Variants in JPH2 observed in about 807,000 individuals in gnomAD.
JPH2 encodes the protein junctophilin 2, also known as junctophilin-2.
In JPH2, 38 loss-of-function variants were observed where a neutral mutation model predicts 55.9. The observed-to-expected ratio is 0.68, with a 90% CI of 0.52 to 0.89. The LOEUF (loss-of-function observed/expected upper bound fraction) is 0.89, where lower values mean the gene tolerates loss of function less well. Among genes scored for constraint, JPH2 ranks in the 40% least tolerant of loss-of-function variants. The pLI, the probability that JPH2 is intolerant of heterozygous loss-of-function variation, is 0.00. For synonymous variants in JPH2, 480 were observed against 472.4 expected, an observed-to-expected ratio of 1.02 and a Z score of -0.21; for missense variants, 964 against 1,037.6, an observed-to-expected ratio of 0.93 and a Z score of 0.97.
intron 1 of JPH2, among the ~76,000 whole-genome samples, chr20:44,172,655 C>T (rs2145890248): frequency 6.6e-6 from 1 of 152,170 alleles, no homozygotes; most frequent in South Asian, 2.1e-4. Context: ...ATCATGCTGG[C>T]TAATTTTATT....
intron 2 of JPH2, among the ~76,000 whole-genome samples, chr20:44,141,203 A>C (rs1454196962): frequency 6.6e-6 from 1 of 152,202 alleles, no homozygotes; most frequent in Non-Finnish European, 1.5e-5. Context: ...TAATTTGTTC[A>C]GGGAAGCAAC....
intron 3 of JPH2, among the ~76,000 whole-genome samples, chr20:44,117,053 C>T (rs780086758): frequency 1.4e-4 from 21 of 152,054 alleles, no homozygotes; most frequent in Non-Finnish European, 2.6e-4. Context: ...GGCCGAGGCG[C>T]GCGGATCACA....
chr20:44,129,414 G>A (rs761230913), intron 2 of JPH2, among the ~76,000 whole-genome samples: 1 of 152,014 alleles, frequency 6.6e-6, no homozygotes, highest in Non-Finnish European at 1.5e-5. Flanking sequence ...AATTTGCTGG[G>A]CGCAGTGGTG....
intron 2 of JPH2, among the ~76,000 whole-genome samples, chr20:44,134,139 A>AATATATATTATAAATATAT (rs1184374223): frequency 2.9e-4 from 3 of 10,460 alleles, no homozygotes; most frequent in African/African-American, 1.5e-3. Context: ...TAAATATATA[A>AATATATATTATAAATATAT]ATAAATATTT....
rs875496 is a variant in JPH2 at position 44,116,710 on chromosome 20, T to A, written c.1289-324A>T. 0.51 allele frequency among the ~76,000 whole-genome samples: 77,631 copies of A among 152,018 alleles called. 19,874 individuals carry two copies. The highest frequency in any genetic ancestry group is 0.55 in the African/African-American group (22,815 of 41,474). Reference sequence around the variant, plus strand: ...GGCTCCAGAGGCGATGCCCTTTACTTTGGCACGCGTCTCTTTCCATTCCCT... The same window carrying A: ...GGCTCCAGAGGCGATGCCCTTTACTATGGCACGCGTCTCTTTCCATTCCCT... On this transcript the variant is annotated intron_variant, in intron 3 of 5. Coordinates refer to ENST00000372980, the MANE Select transcript of JPH2 (RefSeq NM_020433.5).
chr20:44,148,887 C>A (rs2072510937), intron 2 of JPH2, among the ~76,000 whole-genome samples: 1 of 151,982 alleles, frequency 6.6e-6, no homozygotes, highest in Non-Finnish European at 1.5e-5. Context: ...CATGGTGAAA[C>A]CCCGTCTCTA....
chr20:44,114,748 C>T (rs779070292), intron 5 of JPH2, 34 bp downstream of exon 5: 3 of 1,503,250 alleles, frequency 2.0e-6, no homozygotes, highest in Non-Finnish European at 1.8e-6. Flanking sequence ...GGGGCTCCTG[C>T]CCCCCAACCC....
In JPH2 at chr20:44,159,112, C is replaced by G. The variant is rs2072585501; in HGVS notation, c.1169+506G>C. On this transcript the variant is annotated intron_variant, in intron 2 of 5. Transcript: ENST00000372980. The surrounding 1 kb of genome is among the most constrained non-coding windows in gnomAD (Gnocchi z 5.7). ...ATCTTTGAGTGAATGGGTGGTTGTT[C>G]AGGTAGATGTTAGGCTGTTGTTCAG... Among the ~76,000 whole-genome samples, 1 of 151,828 alleles carries G rather than the reference C, an allele frequency of 6.6e-6. No individual in the cohort carries two copies. Among genetic ancestry groups the G allele is most frequent in the African/African-American group, 2.4e-5 (1 of 41,294 alleles).
At chr20:44,144,001 G>A (rs2145865818) in intron 2 of JPH2, among the ~76,000 whole-genome samples, 1 of 152,292 alleles carries the variant, frequency 6.6e-6, no homozygotes, top group South Asian at 2.1e-4. Flanking sequence ...GGGTGGCATG[G>A]AGGCAAGGCT....
chr20:44,126,168 G>GAGGGAGGGAGGGAGGAAGGGAGGAAGGA (rs1555854536), intron 2 of JPH2, among the ~76,000 whole-genome samples: 1 of 36,304 alleles, frequency 2.8e-5, no homozygotes, highest in East Asian at 1.8e-3. Flanking sequence ...GGGAGGGAGG[G>GAGGGAGGGAGGGAGGAAGGGAGGAAGGA]AGGAAGGAAG....
intron 1 of JPH2, among the ~76,000 whole-genome samples, chr20:44,175,429 G>A (rs572951229): frequency 3.4e-4 from 51 of 152,166 alleles, no homozygotes; most frequent in Non-Finnish European, 6.6e-4. Flanking sequence ...CATTTTTCCC[G>A]TAACAATCCC....
chr20:44,166,949 T>C (rs6031433), intron 1 of JPH2, among the ~76,000 whole-genome samples: 37,573 of 152,058 alleles, frequency 0.25, 5,086 homozygotes, highest in African/African-American at 0.37. Context: ...GGGCCGCCCC[T>C]GCCACCTCCC....
At chr20:44,162,783 TATATACACACACAC>T (rs1397809735) in intron 1 of JPH2, among the ~76,000 whole-genome samples, 4 of 62,064 alleles carry the variant, frequency 6.4e-5, no homozygotes, top group African/African-American at 2.4e-4. Flanking sequence ...TATATATATA[TATATACACACACAC>T]ACACACACAC....
Position 44,164,640 on chromosome 20 carries a change from C to G in JPH2, c.380-4233G>C, listed in dbSNP as rs538150040. Among the ~76,000 whole-genome samples, 3 of 152,060 alleles carry G rather than the reference C, an allele frequency of 2.0e-5. No individual in the cohort carries two copies. The South Asian group carries it at 6.2e-4, about 32-fold the overall frequency. The stretch of plus-strand genomic sequence containing the variant: ...AAGTGAACAAAGCTAGAGATGAAAG[C>G]TGTGTGACTCCAGTTACATGAAAGC... On this transcript the variant is annotated intron_variant, in intron 1 of 5. Transcript: ENST00000372980.
Position 44,108,440 on chromosome 20 carries a change from C to A in JPH2, c.*5078G>T, listed in dbSNP as rs188453962. On this transcript the variant is annotated 3_prime_UTR_variant, in exon 6 of 6. Transcript: ENST00000372980. ...GCCAGTCAGTATGAACTGATGGTGG[C>A]CCTGGAGATCCCCAAACTTGTATCT... is the stretch of plus-strand genomic sequence containing the variant. Among the ~76,000 whole-genome samples the A allele has an allele frequency of 6.6e-6, 1 of 152,114 alleles. No individual in the cohort carries two copies. The highest frequency in any genetic ancestry group is 6.5e-5 in the Admixed American group (1 of 15,274).
chr20:44,159,638 C>T lies in JPH2; in HGVS notation c.1149G>A (p.Lys383=), dbSNP rs754243118. 11 of 1,605,312 alleles carry T rather than the reference C, an allele frequency of 6.9e-6. No individual in the cohort carries two copies. In the Admixed American group the frequency reaches 1.8e-4, roughly 27 times the overall value. The change falls in exon 2 of 6, where the codon AAG becomes AAA. Residue 383 remains lysine (K), a synonymous_variant. Coordinates refer to ENST00000372980, the MANE Select transcript of JPH2 (RefSeq NM_020433.5). This position sits in a 1 kb window ranked among gnomAD's most constrained non-coding sequence, Gnocchi z 5.7. The part of the protein sequence containing the change: ...AQRAAAIARQ[K]AEIAASRTSH... Reference sequence around the variant, plus strand: ...CCTACCTGGAGGCGGCAATCTCGGCCTTCTGGCGCGCGATAGCAGCGGCGC... The same window carrying T: ...CCTACCTGGAGGCGGCAATCTCGGCTTTCTGGCGCGCGATAGCAGCGGCGC...
intron 2 of JPH2, among the ~76,000 whole-genome samples, chr20:44,123,438 C>T (rs2072252807): frequency 6.6e-6 from 1 of 152,224 alleles, no homozygotes; most frequent in South Asian, 2.1e-4. Flanking sequence ...GCTCAGCGAG[C>T]TTGCTTAACC....
rs1232184245 is a variant in JPH2, at chr20:44,116,379, T to C, written c.1296A>G (p.Glu432=). The C allele has an allele frequency of 7.1e-6, 11 of 1,547,828 alleles. No homozygotes were observed. In the South Asian group the frequency reaches 1.3e-4, roughly 18 times the overall value. Residue 432 remains glutamate (E), a synonymous_variant, in exon 4 of 6, where the codon GAA becomes GAG. Coordinates refer to ENST00000372980, the MANE Select transcript of JPH2 (RefSeq NM_020433.5). ...CCTGCAGCAGCCGGCGCTTCTGATA[T>C]TCCGGACCTGCCAGGGCAACACAGG... ...LAPDFYQPGP[E]YQKRRLLQEI...
rs554853074 is a variant in JPH2, at chr20:44,160,215, G to C, written c.572C>G (p.Pro191Arg). The change falls in exon 2 of 6, where the codon CCC becomes CGC. Residue 191 changes from proline to arginine, a missense_variant. Physicochemically the swap from Pro to Arg is moderately radical, Grantham distance 103. Transcript: ENST00000372980. The surrounding 1 kb of genome is among the most constrained non-coding windows in gnomAD (Gnocchi z 4.9). ...GCCGCCACGCGGGATGGCGGGCGAGGGCAGCGCGGGGCCGTCGGAGGCCGG... is the reference window on the plus strand; with the variant it reads ...GCCGCCACGCGGGATGGCGGGCGAGCGCAGCGCGGGGCCGTCGGAGGCCGG... Reference protein sequence around the residue: ...ASPASDGPALPSPAIPRGGFA... With the variant: ...ASPASDGPALRSPAIPRGGFA... 4.5e-4 allele frequency: 655 copies of C among 1,443,946 alleles called. 3 individuals carry two copies. Among genetic ancestry groups the C allele is most frequent in the Middle Eastern group, 4.2e-3 (18 of 4,298 alleles). The allele number at this position is 1,443,946 out of a possible 1,614,324, so 89.4% of individuals were successfully genotyped here.
Sources: allele counts gnomAD v4.1 joint callset (sites outside exome capture counted in the v4.1 genomes callset), GRCh38; gene constraint gnomAD v4.1.1; non-coding constraint Gnocchi (gnomAD v3.1); transcripts MANE v1.5; gene names NCBI Gene and HGNC (gene_info 2026-07-23, HGNC 2026-07-21).